CNBD1: variants seen among roughly 807,000 people sequenced by gnomAD.
CNBD1 encodes cyclic nucleotide binding domain containing 1, also known as cyclic nucleotide-binding domain-containing protein 1.
CNBD1 carries 71 observed loss-of-function variants against 54.4 expected under a neutral mutation model. The observed-to-expected ratio is 1.30, with a 90% CI of 1.08 to 1.59. The LOEUF (loss-of-function observed/expected upper bound fraction) is 1.59. CNBD1 is among the 40% of genes most tolerant of loss of function. The pLI is 0.00. For synonymous variants in CNBD1, 182 were observed against 170.7 expected (o/e 1.07, Z -0.51); for missense variants, 659 against 518.0 (o/e 1.27, Z -2.64).
intron 6 of CNBD1, among the ~76,000 whole-genome samples, chr8:87,256,132 C>T (rs1310926064): frequency 6.8e-6 from 1 of 146,656 alleles, no homozygotes; most frequent in African/African-American, 2.5e-5. Flanking sequence ...AAGCGATTCT[C>T]CTGCCTCAGC....
chr8:86,967,349 T>C (rs1292717739), intron 4 of CNBD1, among the ~76,000 whole-genome samples: 1 of 152,218 alleles, frequency 6.6e-6, no homozygotes, highest in Non-Finnish European at 1.5e-5. Flanking sequence ...ATGGCTATAG[T>C]CCTGCCCAGG....
chr8:87,079,109 C>G (rs928449806), intron 4 of CNBD1, among the ~76,000 whole-genome samples: 1 of 151,452 alleles, frequency 6.6e-6, no homozygotes, highest in Non-Finnish European at 1.5e-5. Context: ...TAAATTGAGT[C>G]TTACAAAATA....
chr8:87,188,275 A>C (rs999572082), intron 4 of CNBD1, among the ~76,000 whole-genome samples: 2 of 152,140 alleles, frequency 1.3e-5, no homozygotes, highest in Non-Finnish European at 2.9e-5. Context: ...TCTGCCTTTT[A>C]TATCTCTTTC....
chr8:87,036,914 A>T (rs1809962450), intron 4 of CNBD1, among the ~76,000 whole-genome samples: 1 of 152,080 alleles, frequency 6.6e-6, no homozygotes, highest in Non-Finnish European at 1.5e-5. Context: ...CTTTGCCTTC[A>T]TCCTGTGAAG....
chr8:87,416,586 A>T (rs992931768), intron 2 of CNBD1, among the ~76,000 whole-genome samples: 1 of 152,008 alleles, frequency 6.6e-6, no homozygotes, highest in Admixed American at 6.6e-5. Flanking sequence ...CCAGACAAGC[A>T]TCCTTCTCTT....
chr8:87,272,731 C>T (rs997191537), intron 6 of CNBD1, among the ~76,000 whole-genome samples: 7 of 151,880 alleles, frequency 4.6e-5, no homozygotes, highest in African/African-American at 1.7e-4. Flanking sequence ...ACTTCAATAG[C>T]TAGTGAACAT....
chr8:87,402,479 A>G (rs1807580991), intron 2 of CNBD1, among the ~76,000 whole-genome samples: 1 of 152,058 alleles, frequency 6.6e-6, no homozygotes, highest in Admixed American at 6.6e-5. Flanking sequence ...GGGTTAGGCA[A>G]TTTGGGCTTG....
intron 2 of CNBD1, among the ~76,000 whole-genome samples, chr8:87,421,055 C>T (rs1256458891): frequency 1.3e-5 from 2 of 151,934 alleles, no homozygotes; most frequent in East Asian, 1.9e-4. Flanking sequence ...ACTGAAAATG[C>T]TTCATAATTT....
intron 4 of CNBD1, among the ~76,000 whole-genome samples, chr8:87,042,295 G>A (rs1189369342): frequency 6.6e-6 from 1 of 152,178 alleles, no homozygotes; most frequent in Admixed American, 6.5e-5. Flanking sequence ...TGGAGCTCAG[G>A]TGAGGGCCTG....
intron 3 of CNBD1, among the ~76,000 whole-genome samples, chr8:86,932,793 C>T (rs1809478826): frequency 6.6e-6 from 1 of 151,872 alleles, no homozygotes; most frequent in African/African-American, 2.4e-5. Flanking sequence ...CTGAGTGTTT[C>T]CCATCTGAAA....
At chr8:87,287,265 T>G (rs753892420) in intron 8 of CNBD1, among the ~76,000 whole-genome samples, 14 of 152,178 alleles carry the variant, frequency 9.2e-5, no homozygotes, top group African/African-American at 1.4e-4. Flanking sequence ...TTGCATGATT[T>G]GTCCATCTAT....
intron 6 of CNBD1, among the ~76,000 whole-genome samples, chr8:87,281,085 C>T (rs2130866625): frequency 6.6e-6 from 1 of 151,496 alleles, no homozygotes; most frequent in African/African-American, 2.4e-5. Context: ...TAAAGTAGAC[C>T]ATGATTATTA....
intron 6 of CNBD1, among the ~76,000 whole-genome samples, chr8:87,266,378 T>C (rs1445796338): frequency 7.7e-6 from 1 of 129,496 alleles, no homozygotes; most frequent in South Asian, 2.5e-4. Context: ...GACTGATAGG[T>C]AAGCACACTG....
rs7014721 is a variant in CNBD1 at position 87,156,792 on chromosome 8, A to G, written c.432-49201A>G. On this transcript the variant is annotated intron_variant, in intron 4 of 10. Coordinates refer to ENST00000518476, the MANE Select transcript of CNBD1 (RefSeq NM_173538.3). The stretch of plus-strand genomic sequence containing the variant: ...GTTTCTTCTATTAAGGGTCAAATTC[A>G]GGAGCATAGTGTACAATAGCAATTA... 5.7e-3 allele frequency among the ~76,000 whole-genome samples: 866 copies of G among 152,266 alleles called. 7 individuals carry two copies. The highest frequency in any genetic ancestry group is 0.019 in the African/African-American group (809 of 41,554).
rs566483987 is a variant in CNBD1, at chr8:87,284,556, A to G, written c.772-122A>G. 15 of 766,678 alleles carry G rather than the reference A, an allele frequency of 2.0e-5. No homozygotes were observed. In the Admixed American group the frequency reaches 4.8e-4, roughly 25 times the overall value. The allele number at this position is 766,678 out of a possible 1,614,324, so 47.5% of individuals were successfully genotyped here. A position where few individuals can be genotyped will look rare whatever the true frequency, so the allele number is the denominator to read the frequency against. Reference sequence around the variant, plus strand: ...CAGAAGTAGTAGGAGCCATCCATGCAGAGACAGTTTAGAACCCCCTCTTTC... The same window carrying G: ...CAGAAGTAGTAGGAGCCATCCATGCGGAGACAGTTTAGAACCCCCTCTTTC... On this transcript the variant is annotated intron_variant, in intron 6 of 10. Transcript: ENST00000518476.
intron 8 of CNBD1, among the ~76,000 whole-genome samples, chr8:87,336,452 T>A (rs1444770126): frequency 2.0e-5 from 3 of 152,152 alleles, no homozygotes; most frequent in Non-Finnish European, 4.4e-5. Context: ...CAGATGGTCT[T>A]CCGTCTGATA....
chr8:87,230,571 A>G (rs1387936247), intron 5 of CNBD1, among the ~76,000 whole-genome samples: 5 of 152,176 alleles, frequency 3.3e-5, no homozygotes, highest in African/African-American at 7.2e-5. Context: ...GTAACTTTTG[A>G]CAAGTTATTT....
At chr8:87,377,538 A>T (rs567863459) in intron 10 of CNBD1, among the ~76,000 whole-genome samples, 1 of 151,970 alleles carries the variant, frequency 6.6e-6, no homozygotes, top group South Asian at 2.1e-4. Context: ...ACATTTTCTT[A>T]ATCCAGTCTA....
At chr8:87,384,862 T>C (rs1811152020), downstream of CNBD1, among the ~76,000 whole-genome samples, 3 of 152,078 alleles carry the variant, frequency 2.0e-5, no homozygotes, top group Admixed American at 2.0e-4. Context: ...GATGATAAGT[T>C]AGATGTAGTT....
Sources: allele counts gnomAD v4.1 joint callset (sites outside exome capture counted in the v4.1 genomes callset), GRCh38; gene constraint gnomAD v4.1.1; transcripts MANE v1.5; gene names NCBI Gene and HGNC (gene_info 2026-07-23, HGNC 2026-07-21).